ABLIM2: variants seen among roughly 807,000 people sequenced by gnomAD.
ABLIM2 encodes actin binding LIM protein family member 2.
In ABLIM2, 53 loss-of-function variants were observed where a neutral mutation model predicts 97.7. The ratio of observed to expected loss-of-function variants is 0.54; its 90% CI spans 0.44 to 0.68. The LOEUF (loss-of-function observed/expected upper bound fraction) is 0.68, where lower values mean the gene tolerates loss of function less well. ABLIM2 is among the 30% of genes least tolerant of loss of function. The pLI is 0.00. For missense variants in ABLIM2, 835 were observed against 867.2 expected (o/e 0.96, Z 0.47); for synonymous variants, 361 against 345.8 (o/e 1.04, Z -0.49).
In ABLIM2 at chr4:8,032,461, G is replaced by A. The variant is rs755027964; in HGVS notation, c.1048-2685C>T. 6.6e-6 allele frequency among the ~76,000 whole-genome samples: 1 copy of A among 152,182 alleles called. No individual in the cohort carries two copies. The highest frequency in any genetic ancestry group is 1.5e-5 in the Non-Finnish European group (1 of 68,022). On this transcript the variant is annotated intron_variant, in intron 10 of 20. Transcript: ENST00000447017. The surrounding 1 kb of genome is among the most constrained non-coding windows in gnomAD (Gnocchi z 4.3). ...GCAGACATATCGGGGAGGCATGCAA[G>A]TGCGGGGTGATCATAAAAATAACCA... is the stretch of plus-strand genomic sequence containing the variant.
In ABLIM2 at chr4:8,022,176, G is replaced by A. The variant is rs1278329781; in HGVS notation, c.1268-1873C>T. ...AACAGAGGAAGACGGTTTGCTTCAG[G>A]CACCATCTCTAAGCTGTGTGTGCTC... On this transcript the variant is annotated intron_variant, in intron 12 of 20. Coordinates refer to ENST00000447017, the MANE Select transcript of ABLIM2 (RefSeq NM_001130083.2). The surrounding 1 kb of genome is among the most constrained non-coding windows in gnomAD (Gnocchi z 7.8). 6.6e-6 allele frequency among the ~76,000 whole-genome samples: 1 copy of A among 152,206 alleles called. No individual in the cohort carries two copies. Among genetic ancestry groups the A allele is most frequent in the Non-Finnish European group, 1.5e-5 (1 of 68,026 alleles).
At chr4:8,134,331 T>C (rs1446608131) in intron 1 of ABLIM2, among the ~76,000 whole-genome samples, 1 of 152,078 alleles carries the variant, frequency 6.6e-6, no homozygotes, top group Non-Finnish European at 1.5e-5. Flanking sequence ...GTCTCCCTGT[T>C]GGGAGGTGCC....
chr4:8,010,739 T>A, intron 14 of ABLIM2: 1 of 348,084 alleles, frequency 2.9e-6, no homozygotes, highest in Non-Finnish European at 4.0e-6. Context: ...AAGAAGCGCT[T>A]AATGGAGAGG....
chr4:7,982,760 G>C (rs1484634529), intron 20 of ABLIM2, among the ~76,000 whole-genome samples: 3 of 152,094 alleles, frequency 2.0e-5, no homozygotes, highest in Non-Finnish European at 4.4e-5. Context: ...CTGGAGTGCA[G>C]TGGCGCCATC....
At chr4:8,057,665 G>A (rs148430004) in intron 7 of ABLIM2, among the ~76,000 whole-genome samples, 15 of 152,294 alleles carry the variant, frequency 9.8e-5, no homozygotes, top group African/African-American at 3.1e-4. Flanking sequence ...TTTAATACGG[G>A]CATCTTAACA....
chr4:7,983,947 G>A (rs905805371), intron 18 of ABLIM2, among the ~76,000 whole-genome samples: 2 of 152,246 alleles, frequency 1.3e-5, no homozygotes, highest in African/African-American at 4.8e-5. Flanking sequence ...CTGACATCTT[G>A]CTATGTTCTG....
At position 8,124,971 on chromosome 4, in the gene ABLIM2, G is replaced by A. The variant is rs1847197264; in HGVS notation, c.11-18334C>T. ...TTCTGATGTGCCGTTCCCTGTGGGC[G>A]AATGATGCTGGGCATGGTTCATGTG... On this transcript the variant is annotated intron_variant, in intron 1 of 20. Transcript: ENST00000447017. The surrounding 1 kb of genome is among the most constrained non-coding windows in gnomAD (Gnocchi z 6.1). Among the ~76,000 whole-genome samples the A allele has an allele frequency of 6.6e-6, 1 of 152,184 alleles. No homozygotes were observed. The highest frequency in any genetic ancestry group is 2.1e-4 in the South Asian group (1 of 4,832).
In ABLIM2 at chr4:8,044,639, CAG is replaced by C. The variant is rs1444419589; in HGVS notation, c.900+523_900+524del. 4.9e-4 allele frequency among the ~76,000 whole-genome samples: 61 copies of C among 124,876 alleles called. 2 individuals are homozygous for C. In the South Asian group the frequency reaches 8.8e-3, roughly 18 times the overall value. The allele number at this position is 124,876 out of a possible 152,430, so 81.9% of individuals were successfully genotyped here. Reference sequence around the variant, plus strand: ...TGATTATGGAAGCGTGTGAGGCGCACAGACACACACACACACACACACACACA... The same window carrying C: ...TGATTATGGAAGCGTGTGAGGCGCACACACACACACACACACACACACACA... On this transcript the variant is annotated intron_variant, in intron 9 of 20. Coordinates refer to ENST00000447017, the MANE Select transcript of ABLIM2 (RefSeq NM_001130083.2). This position sits in a 1 kb window ranked among gnomAD's most constrained non-coding sequence, Gnocchi z 4.4.
intron 3 of ABLIM2, among the ~76,000 whole-genome samples, chr4:8,093,607 T>C (rs1472330056): frequency 2.6e-5 from 4 of 152,244 alleles, no homozygotes; most frequent in African/African-American, 9.6e-5. Context: ...AGTCTTGCCT[T>C]CATTTTTGGA....
In ABLIM2 at chr4:8,112,610, G is replaced by A. The variant is rs903484363; in HGVS notation, c.11-5973C>T. 6.6e-6 allele frequency among the ~76,000 whole-genome samples: 1 copy of A among 152,182 alleles called. No homozygotes were observed. The highest frequency in any genetic ancestry group is 1.5e-5 in the Non-Finnish European group (1 of 68,040). ...CGAGGTTTCCCAGTCCAGAGCGGGA[G>A]TCCACAAGCATTTTCAGGAAAAGGC... On this transcript the variant is annotated intron_variant, in intron 1 of 20. Coordinates refer to ENST00000447017, the MANE Select transcript of ABLIM2 (RefSeq NM_001130083.2). This position sits in a 1 kb window ranked among gnomAD's most constrained non-coding sequence, Gnocchi z 4.2.
intron 1 of ABLIM2, among the ~76,000 whole-genome samples, chr4:8,116,114 C>T (rs1707434580): frequency 6.6e-6 from 1 of 152,216 alleles, no homozygotes; most frequent in South Asian, 2.1e-4. Context: ...GGAGAGGAGA[C>T]AAGGCATACC....
chr4:8,004,743 C>T lies in ABLIM2; in HGVS notation c.1618+3316G>A, dbSNP rs371986093. ...CTTCCTATAACATAAAATCAATAGC[C>T]TCCCTTCCTGTGCAGAAATCAGGTG... On this transcript the variant is annotated intron_variant, in intron 16 of 20. Coordinates refer to ENST00000447017, the MANE Select transcript of ABLIM2 (RefSeq NM_001130083.2). This position sits in a 1 kb window ranked among gnomAD's most constrained non-coding sequence, Gnocchi z 5.9. 1.2e-3 allele frequency among the ~76,000 whole-genome samples: 180 copies of T among 152,324 alleles called. 1 individual carries two copies. The highest frequency in any genetic ancestry group is 4.2e-3 in the African/African-American group (173 of 41,566).
rs1201570269 is a variant in ABLIM2 at position 8,054,832 on chromosome 4, C to A, written c.764-586G>T. Among the ~76,000 whole-genome samples the A allele has an allele frequency of 1.3e-5, 2 of 151,800 alleles. No individual in the cohort carries two copies. The highest frequency in any genetic ancestry group is 4.8e-5 in the African/African-American group (2 of 41,290). On this transcript the variant is annotated intron_variant, in intron 7 of 20. Coordinates refer to ENST00000447017, the MANE Select transcript of ABLIM2 (RefSeq NM_001130083.2). The surrounding 1 kb of genome is among the most constrained non-coding windows in gnomAD (Gnocchi z 4.9). ...AGGTGTGTTCGGTGGGAGCTGGGCA[C>A]AAGGCTCAAACACCAGCCCCACCCT...
rs776838487 is a variant in ABLIM2, at chr4:8,036,200, G to A, written c.996C>T (p.Ser332=). ...CAGAGTGGCTGATGTAGGGTGAGTA[G>A]GAGATCATGTCGGGGCGGTCGATGT... is the stretch of plus-strand genomic sequence containing the variant. ...IYDIDRPDMI[S]YSPYISHSAG... is the part of the protein sequence containing the mutation. The change falls in exon 10 of 21, where the codon TCC becomes TCT. Residue 332 remains serine, a synonymous_variant. Transcript: ENST00000447017. 3 of 1,613,950 alleles carry A rather than the reference G, an allele frequency of 1.9e-6. No individual in the cohort carries two copies. The highest frequency in any genetic ancestry group is 1.7e-5 in the Admixed American group (1 of 60,020).
chr4:8,054,125 C>T lies in ABLIM2; in HGVS notation c.822+63G>A. ...TAGAATCTGGTCAGTGTCCTCTTAACTGTACAAAGATGGTGCAGGAGCAGT... is the reference window on the plus strand; with the variant it reads ...TAGAATCTGGTCAGTGTCCTCTTAATTGTACAAAGATGGTGCAGGAGCAGT... On this transcript the variant is annotated intron_variant, in intron 8 of 20. Transcript: ENST00000447017. The surrounding 1 kb of genome is among the most constrained non-coding windows in gnomAD (Gnocchi z 4.9). The T allele has an allele frequency of 3.2e-6, 5 of 1,571,468 alleles. No homozygotes were observed. Among genetic ancestry groups the T allele is most frequent in the Non-Finnish European group, 4.4e-6 (5 of 1,141,560 alleles).
chr4:7,992,185 C>T lies in ABLIM2; in HGVS notation c.1680+681G>A, dbSNP rs1749385210. Among the ~76,000 whole-genome samples the T allele has an allele frequency of 6.6e-6, 1 of 152,072 alleles. No individual in the cohort carries two copies. The highest frequency in any genetic ancestry group is 1.5e-5 in the Non-Finnish European group (1 of 68,010). On this transcript the variant is annotated intron_variant, in intron 17 of 20. Coordinates refer to ENST00000447017, the MANE Select transcript of ABLIM2 (RefSeq NM_001130083.2). This position sits in a 1 kb window ranked among gnomAD's most constrained non-coding sequence, Gnocchi z 5.7. ...TGTGGGCAGAGGAACAAACATAAGC[C>T]GCTCTTCCTAAGGCGTTCACTGTCC...
rs1200223025 is a variant in ABLIM2 at position 8,019,903 on chromosome 4, T to TC, written c.1370-233dup. Among the ~76,000 whole-genome samples the TC allele has an allele frequency of 6.6e-6, 1 of 152,038 alleles. No homozygotes were observed. Among genetic ancestry groups the TC allele is most frequent in the Non-Finnish European group, 1.5e-5 (1 of 68,010 alleles). ...GGGGCAGCAGCCAGGAACCTTGTGG[T>TC]CCCCCGGGAAGTGTAGCCAGCTCAG... is the stretch of plus-strand genomic sequence containing the variant. On this transcript the variant is annotated intron_variant, in intron 13 of 20. Coordinates refer to ENST00000447017, the MANE Select transcript of ABLIM2 (RefSeq NM_001130083.2). This position sits in a 1 kb window ranked among gnomAD's most constrained non-coding sequence, Gnocchi z 4.3.
intron 16 of ABLIM2, among the ~76,000 whole-genome samples, chr4:8,000,966 C>T (rs1437112976): frequency 6.6e-6 from 1 of 152,198 alleles, no homozygotes; most frequent in East Asian, 1.9e-4. Flanking sequence ...GACTGTGGCT[C>T]ACACAGCGTC....
intron 20 of ABLIM2, among the ~76,000 whole-genome samples, chr4:7,972,749 C>A (rs1172862986): frequency 6.6e-6 from 1 of 152,154 alleles, no homozygotes; most frequent in Non-Finnish European, 1.5e-5. Flanking sequence ...TTTCTCCCAG[C>A]CACACAGTTC....
Sources: allele counts gnomAD v4.1 joint callset (sites outside exome capture counted in the v4.1 genomes callset), GRCh38; gene constraint gnomAD v4.1.1; non-coding constraint Gnocchi (gnomAD v3.1); transcripts MANE v1.5; gene names NCBI Gene and HGNC (gene_info 2026-07-23, HGNC 2026-07-21).